ZHX3: variants seen among roughly 807,000 people sequenced by gnomAD.
ZHX3 encodes zinc fingers and homeoboxes protein 3.
ZHX3 carries 20 observed loss-of-function variants against 64.5 expected under a neutral mutation model. The ratio of observed to expected loss-of-function variants is 0.31; its 90% confidence interval spans 0.22 to 0.45. ZHX3 has a LOEUF of 0.45. Among genes scored for constraint, ZHX3 ranks in the 20% least tolerant of loss-of-function variants. ZHX3 has a pLI of 1.00. For synonymous variants in ZHX3, 423 were observed against 461.6 expected (o/e 0.92, Z 1.07); for missense variants, 1,041 against 1,195.8 (o/e 0.87, Z 1.91).
At chr20:41,304,517 T>C (rs1490728471) in intron 1 of ZHX3, among the ~76,000 whole-genome samples, 1 of 152,220 alleles carries the variant, frequency 6.6e-6, no homozygotes, top group African/African-American at 2.4e-5. Flanking sequence ...GGAGAGCATT[T>C]ATTATTGTCT....
At chr20:41,307,584 A>C (rs778971144) in intron 1 of ZHX3, among the ~76,000 whole-genome samples, 4 of 152,238 alleles carry the variant, frequency 2.6e-5, no homozygotes, top group Non-Finnish European at 4.4e-5. Flanking sequence ...TTAATTACAG[A>C]AACAAGGTAT....
intron 1 of ZHX3, among the ~76,000 whole-genome samples, chr20:41,307,816 C>T (rs190679557): frequency 2.4e-3 from 359 of 152,314 alleles, no homozygotes; most frequent in Non-Finnish European, 4.2e-3. Flanking sequence ...TAGAAATAAC[C>T]TCTCTTTCAT....
intron 3 of ZHX3, among the ~76,000 whole-genome samples, chr20:41,189,205 A>G (rs2036793783): frequency 1.3e-5 from 2 of 151,986 alleles, no homozygotes; most frequent in Non-Finnish European, 2.9e-5. Flanking sequence ...CTGTGGGTCT[A>G]TTTTTATACC....
intron 1 of ZHX3, among the ~76,000 whole-genome samples, chr20:41,302,761 T>C (rs2044860983): frequency 1.3e-5 from 2 of 152,186 alleles, no homozygotes; most frequent in South Asian, 4.1e-4. Flanking sequence ...CTGGAAACCA[T>C]GGTTTGAAGA....
rs1474665132 is a variant in ZHX3, at chr20:41,297,609, T to C, written c.-245+19900A>G. The stretch of plus-strand genomic sequence containing the variant: ...ACCAAAGGGTTGTGTTAGCCTCGGA[T>C]GGAGTGGGAAAGAATATGAAGTAAC... On this transcript the variant is annotated intron_variant, in intron 1 of 3. Transcript: ENST00000683867. Among the ~76,000 whole-genome samples, 3 of 152,140 alleles carry C rather than the reference T, an allele frequency of 2.0e-5. No homozygotes were observed. In the East Asian group the frequency reaches 5.8e-4, roughly 29 times the overall value.
intron 2 of ZHX3, among the ~76,000 whole-genome samples, chr20:41,236,198 A>C (rs970553142): frequency 2.6e-5 from 4 of 152,238 alleles, no homozygotes; most frequent in African/African-American, 9.6e-5. Flanking sequence ...CATACTGTCC[A>C]AGGTAATTTA....
In ZHX3 at chr20:41,271,169, C is replaced by T. The variant is rs555112536; in HGVS notation, c.-244-2086G>A. On this transcript the variant is annotated intron_variant, in intron 1 of 3. Coordinates refer to ENST00000683867, the MANE Select transcript of ZHX3 (RefSeq NM_001384317.1). The stretch of plus-strand genomic sequence containing the variant: ...CTGAGTAGCTGGGACTACAGGCACG[C>T]GCCACCACACCCAGCTAATTTTTGT... 1.1e-4 allele frequency among the ~76,000 whole-genome samples: 16 copies of T among 152,202 alleles called. No homozygotes were observed. In the East Asian group the frequency reaches 2.3e-3, roughly 22 times the overall value.
rs1043789811 is a variant in ZHX3 at position 41,203,777 on chromosome 20, G to C, written c.1140C>G (p.Ile380Met). 2 of 1,614,256 alleles carry C rather than the reference G, an allele frequency of 1.2e-6. No homozygotes were observed. The highest frequency in any genetic ancestry group is 1.7e-6 in the Non-Finnish European group (2 of 1,180,050). ...DARKKMFNTV[I>M]QSVPQPTITV... ...TAATTGTGGGCTGAGGCACAGACTG[G>C]ATGACTGTATTGAACATCTTTTTCC... Residue 380 changes from isoleucine (I) to methionine (M), a missense_variant, in exon 3 of 4, where the codon ATC becomes ATG. This residue lies in a region of ZHX3 where 649 missense variants were observed against 739.8 expected (regional missense o/e 0.88). Coordinates refer to ENST00000683867, the MANE Select transcript of ZHX3 (RefSeq NM_001384317.1). This position sits in a 1 kb window ranked among gnomAD's most constrained non-coding sequence, Gnocchi z 7.1.
chr20:41,309,023 A>T (rs1438457757), intron 1 of ZHX3, among the ~76,000 whole-genome samples: 1 of 152,186 alleles, frequency 6.6e-6, no homozygotes, highest in Admixed American at 6.5e-5. Flanking sequence ...TAACAATTAT[A>T]ATCAGTTGAT....
intron 1 of ZHX3, among the ~76,000 whole-genome samples, chr20:41,273,966 A>G (rs976398332): frequency 6.6e-6 from 1 of 152,118 alleles, no homozygotes; most frequent in Non-Finnish European, 1.5e-5. Context: ...TAATCCATGG[A>G]TGTCTTTCCA....
intron 1 of ZHX3, among the ~76,000 whole-genome samples, chr20:41,294,514 C>A (rs1015211855): frequency 2.6e-5 from 4 of 151,924 alleles, no homozygotes; most frequent in Admixed American, 6.6e-5. Context: ...GGCACCCCCC[C>A]ACCACACCTG....
chr20:41,200,523 T>C lies in ZHX3; in HGVS notation c.2860+1534A>G, dbSNP rs904522718. Among the ~76,000 whole-genome samples, 2 of 152,198 alleles carry C rather than the reference T, an allele frequency of 1.3e-5. No individual in the cohort carries two copies. The highest frequency in any genetic ancestry group is 2.4e-5 in the African/African-American group (1 of 41,452). ...CCAGGGTGTGCCATCAGCTACTTTA[T>C]AAAGCAGGCTGTGAGCTGTGGGCCC... On this transcript the variant is annotated intron_variant, in intron 3 of 3. Transcript: ENST00000683867. The surrounding 1 kb of genome is among the most constrained non-coding windows in gnomAD (Gnocchi z 4.2).
chr20:41,276,373 T>A (rs1035434148), intron 1 of ZHX3, among the ~76,000 whole-genome samples: 1 of 152,126 alleles, frequency 6.6e-6, no homozygotes, highest in East Asian at 1.9e-4. Flanking sequence ...GATAAGGCAC[T>A]TTGGGAAATT....
At chr20:41,254,717 T>C (rs565924806) in intron 2 of ZHX3, 2 of 152,360 alleles carry the variant, frequency 1.3e-5, no homozygotes, top group South Asian at 4.1e-4. Flanking sequence ...TTGCTATATA[T>C]GCATATATGG....
At chr20:41,207,545 C>T (rs2038822108) in intron 2 of ZHX3, among the ~76,000 whole-genome samples, 1 of 152,222 alleles carries the variant, frequency 6.6e-6, no homozygotes, top group African/African-American at 2.4e-5. Flanking sequence ...GAAACTCACT[C>T]AAAACCGCTC....
intron 2 of ZHX3, among the ~76,000 whole-genome samples, chr20:41,241,503 T>C (rs1416675355): frequency 6.6e-6 from 1 of 152,246 alleles, no homozygotes; most frequent in African/African-American, 2.4e-5. Flanking sequence ...GCAGAAGCTT[T>C]TTAACTTGAT....
intron 2 of ZHX3, among the ~76,000 whole-genome samples, chr20:41,218,289 TA>T (rs780183584): frequency 3.9e-5 from 6 of 151,938 alleles, no homozygotes; most frequent in East Asian, 1.9e-4. Flanking sequence ...ACAAAAAATT[TA>T]AAAAATAGCT....
At chr20:41,310,680 GTTTT>G (rs138691524) in intron 1 of ZHX3, among the ~76,000 whole-genome samples, 1 of 145,346 alleles carries the variant, frequency 6.9e-6, no homozygotes, top group Non-Finnish European at 1.5e-5. Flanking sequence ...TGGGGAAGAG[GTTTT>G]TTTTTTTTTA....
intron 1 of ZHX3, among the ~76,000 whole-genome samples, chr20:41,308,025 A>G (rs1432182969): frequency 2.6e-5 from 4 of 152,174 alleles, no homozygotes; most frequent in African/African-American, 4.8e-5. Flanking sequence ...TAAACATTAT[A>G]AAGAGCACCG....
Sources: allele counts gnomAD v4.1 joint callset (sites outside exome capture counted in the v4.1 genomes callset), GRCh38; gene constraint gnomAD v4.1.1; regional missense constraint gnomAD v4.1.1; non-coding constraint Gnocchi (gnomAD v3.1); transcripts MANE v1.5; gene names NCBI Gene and HGNC (gene_info 2026-07-23, HGNC 2026-07-21).